The following HTT-AS variants were observed in gnomAD, a reference collection of about 807,000 sequenced individuals.
The protein encoded by HTT-AS is HTT antisense RNA, also known as HTT antisense RNA (head to head).
At chr4:3,047,690 C>T (rs932136689), downstream of HTT-AS, among the ~76,000 whole-genome samples, 1 of 152,190 alleles carries the variant, frequency 6.6e-6, no homozygotes, top group African/African-American at 2.4e-5. Context: ...GAAGACTCTG[C>T]TCCACCATCT....
chr4:3,060,312 C>T (rs1322528776), intron 2 of HTT-AS, among the ~76,000 whole-genome samples: 1 of 152,044 alleles, frequency 6.6e-6, no homozygotes, highest in African/African-American at 2.4e-5. Flanking sequence ...GAGTCTACTA[C>T]ATTTACACAT....
chr4:3,071,070 A>T (rs552951081), intron 1 of HTT-AS, among the ~76,000 whole-genome samples: 1 of 152,298 alleles, frequency 6.6e-6, no homozygotes, highest in South Asian at 2.1e-4. Context: ...TAGGCAGATG[A>T]TGTTTTCTCA....
chr4:3,056,012 C>T (rs1711797369), intron 2 of HTT-AS, among the ~76,000 whole-genome samples: 1 of 152,126 alleles, frequency 6.6e-6, no homozygotes, highest in Non-Finnish European at 1.5e-5. Context: ...ACTCAGAGAG[C>T]TCGAAACACA....
chr4:3,054,779 C>T (rs918499473), intron 2 of HTT-AS, among the ~76,000 whole-genome samples: 2 of 150,906 alleles, frequency 1.3e-5, no homozygotes, highest in Non-Finnish European at 3.0e-5. Context: ...CAGTGGTGCA[C>T]TCTTGGCTCA....
intron 1 of HTT-AS, among the ~76,000 whole-genome samples, chr4:3,073,127 A>C (rs1348422407): frequency 4.6e-5 from 7 of 152,218 alleles, no homozygotes; most frequent in African/African-American, 1.7e-4. Context: ...CACTGGGGAC[A>C]ATGCTGGGTT....
downstream of HTT-AS, among the ~76,000 whole-genome samples, chr4:3,047,593 T>C (rs576680092): frequency 4.6e-5 from 7 of 152,236 alleles, no homozygotes; most frequent in Non-Finnish European, 1.0e-4. Flanking sequence ...CTAGTGGTAA[T>C]GACAGTGCCT....
intron 2 of HTT-AS, among the ~76,000 whole-genome samples, chr4:3,060,171 G>T (rs1174059634): frequency 6.6e-6 from 1 of 152,154 alleles, no homozygotes; most frequent in African/African-American, 2.4e-5. Flanking sequence ...ACATTGCCAA[G>T]TCACTCTTCA....
At chr4:3,057,926 T>C (rs913972051) in intron 2 of HTT-AS, among the ~76,000 whole-genome samples, 1 of 151,028 alleles carries the variant, frequency 6.6e-6, no homozygotes, top group Non-Finnish European at 1.5e-5. Context: ...CCCTGCTGAT[T>C]ATTTCTTGAT....
intron 2 of HTT-AS, among the ~76,000 whole-genome samples, chr4:3,057,139 T>C (rs1245955766): frequency 6.6e-6 from 1 of 151,950 alleles, no homozygotes; most frequent in African/African-American, 2.4e-5. Flanking sequence ...GTTCAAGCAA[T>C]ACTCCTGTCT....
chr4:3,062,203 A>T lies in HTT-AS; in HGVS notation n.1380+231T>A, dbSNP rs1397221147. ...TGCCACCACACGTGGCTAATGTTTT[A>T]TTTTTTTTGTAGGAATAGGGTCTCA... On this transcript the variant is annotated intron_variant and non_coding_transcript_variant, in intron 2 of 2. Coordinates refer to ENST00000664062, the Ensembl canonical transcript of HTT-AS. Among the ~76,000 whole-genome samples the T allele has an allele frequency of 3.3e-5, 5 of 151,362 alleles. No individual in the cohort carries two copies. The South Asian group carries it at 8.3e-4, about 25-fold the overall frequency.
rs1215082284 is a variant in HTT-AS at position 3,068,421 on chromosome 4, T to G, written n.114-4721A>C. ...AAATCCGTGAAGAAGGAAGGCAAAA[T>G]AAAAACACTTCCTGATTGAACTGGA... is the stretch of plus-strand genomic sequence containing the variant. On this transcript the variant is annotated intron_variant and non_coding_transcript_variant, in intron 1 of 2. Coordinates refer to ENST00000664062, the Ensembl canonical transcript of HTT-AS. Among the ~76,000 whole-genome samples, 3 of 135,834 alleles carry G rather than the reference T, an allele frequency of 2.2e-5. No homozygotes were observed. The South Asian group carries it at 7.0e-4, about 32-fold the overall frequency. 89.1% of individuals were successfully genotyped at this position (135,834 alleles called of 152,430 possible).
At chr4:3,047,610 G>C (rs1013976364), downstream of HTT-AS, among the ~76,000 whole-genome samples, 1 of 152,198 alleles carries the variant, frequency 6.6e-6, no homozygotes, top group South Asian at 2.1e-4. Context: ...GCCTGGGAAG[G>C]CACCTGTTAC....
chr4:3,058,618 G>A (rs1009898798), intron 2 of HTT-AS, among the ~76,000 whole-genome samples: 3 of 152,058 alleles, frequency 2.0e-5, no homozygotes, highest in East Asian at 1.9e-4. Flanking sequence ...TCCTGGGAAC[G>A]CGGCCCAGCA....
chr4:3,059,840 T>G (rs1419173590), intron 2 of HTT-AS, among the ~76,000 whole-genome samples: 1 of 152,066 alleles, frequency 6.6e-6, no homozygotes, highest in African/African-American at 2.4e-5. Context: ...CCCAAAATGC[T>G]GGGATTACAG....
intron 2 of HTT-AS, among the ~76,000 whole-genome samples, chr4:3,061,984 A>AT (rs1277164930): frequency 2.9e-5 from 4 of 137,200 alleles, no homozygotes; most frequent in Non-Finnish European, 6.2e-5. Flanking sequence ...TCTATCTCAA[A>AT]TTAAAAAAAA....
intron 2 of HTT-AS, among the ~76,000 whole-genome samples, chr4:3,049,943 CACACAT>C (rs1410994814): frequency 2.1e-5 from 3 of 144,122 alleles, no homozygotes; most frequent in South Asian, 2.2e-4. Context: ...CACACACACA[CACACAT>C]ATACACTTTT....
chr4:3,069,555 T>G (rs1050814312), intron 1 of HTT-AS, among the ~76,000 whole-genome samples: 11 of 152,042 alleles, frequency 7.2e-5, no homozygotes, highest in Non-Finnish European at 1.5e-5. Context: ...AAGACTGACC[T>G]CACGTATATC....
chr4:3,071,943 G>A (rs759226652), intron 1 of HTT-AS, among the ~76,000 whole-genome samples: 4 of 152,128 alleles, frequency 2.6e-5, no homozygotes, highest in African/African-American at 4.8e-5. Flanking sequence ...TAAGCTGCCC[G>A]GTCTGTGGTA....
At chr4:3,066,905 G>T (rs1305874514) in intron 1 of HTT-AS, among the ~76,000 whole-genome samples, 1 of 152,184 alleles carries the variant, frequency 6.6e-6, no homozygotes, top group East Asian at 1.9e-4. Context: ...CATACCCTCA[G>T]AGGCCTAGAA....
Sources: allele counts gnomAD v4.1 joint callset (sites outside exome capture counted in the v4.1 genomes callset), GRCh38; gene constraint gnomAD v4.1.1; transcripts MANE v1.5; gene names NCBI Gene and HGNC (gene_info 2026-07-23, HGNC 2026-07-21).